The following HERC5 variants were observed in gnomAD, a reference collection of about 807,000 sequenced individuals.
HERC5 encodes HECT and RLD domain containing E3 ubiquitin protein ligase 5.
Under a neutral mutation model 119.6 loss-of-function variants are expected in HERC5, and 99 were observed. The observed-to-expected ratio is 0.83, with a 90% confidence interval of 0.70 to 0.98. HERC5 has a LOEUF of 0.98. Ranked by LOEUF, HERC5 falls within the 50% of genes least tolerant of loss-of-function variation. The pLI, the probability that HERC5 is intolerant of heterozygous loss-of-function variation, is 0.00. For synonymous variants in HERC5, 478 were observed against 445.9 expected (o/e 1.07, Z -0.91); for missense variants, 1,267 against 1,241.3 (o/e 1.02, Z -0.31).
intron 16 of HERC5, among the ~76,000 whole-genome samples, chr4:88,492,048 G>A (rs1449870093): frequency 6.6e-6 from 1 of 151,976 alleles, no homozygotes; most frequent in Non-Finnish European, 1.5e-5. Flanking sequence ...CTGTTGCCCA[G>A]GCTGGAGAGC....
chr4:88,463,525 T>G lies in HERC5; in HGVS notation c.689-7T>G. 6.2e-7 allele frequency: 1 copy of G among 1,603,878 alleles called. No homozygotes were observed. The highest frequency in any genetic ancestry group is 8.5e-7 in the Non-Finnish European group (1 of 1,171,502). ...TGGTCACTTCAGCTATTTTTTTCCTTACATAGGTAAAGATGATCCATCCCT... is the reference window on the plus strand; with the variant it reads ...TGGTCACTTCAGCTATTTTTTTCCTGACATAGGTAAAGATGATCCATCCCT... On this transcript the variant is annotated splice_polypyrimidine_tract_variant and splice_region_variant and intron_variant, in intron 4 of 22. Coordinates refer to ENST00000264350, the MANE Select transcript of HERC5 (RefSeq NM_016323.4).
intron 13 of HERC5, among the ~76,000 whole-genome samples, chr4:88,483,137 G>A (rs959547354): frequency 6.6e-6 from 1 of 152,068 alleles, no homozygotes; most frequent in African/African-American, 2.4e-5. Context: ...TGATTTTAAA[G>A]GAAATTTTTT....
rs1740912825 is a variant in HERC5, at chr4:88,472,636, CAG to C, written c.1392+136_1392+137del. On this transcript the variant is annotated intron_variant, in intron 11 of 22. Transcript: ENST00000264350. Reference sequence around the variant, plus strand: ...TAGCATATTCAGATTAAGTTAAACTCAGATAACATTTAGGAGTTTGCCCTTTT... The same window carrying C: ...TAGCATATTCAGATTAAGTTAAACTCATAACATTTAGGAGTTTGCCCTTTT... The C allele has an allele frequency of 1.3e-5, 9 of 675,982 alleles. No individual in the cohort carries two copies. In the Admixed American group the frequency reaches 2.5e-4, roughly 19 times the overall value. The allele number at this position is 675,982 out of a possible 1,614,324, so 41.9% of individuals were successfully genotyped here.
At position 88,462,242 on chromosome 4, in the gene HERC5, C is replaced by T; in HGVS notation, c.574C>T (p.Pro192Ser). Reference sequence around the variant, plus strand: ...GATTGTGGAGCACCTCGCAGGAGTACCCTTGGCTCAGATTTCTGCCGGAGA... The same window carrying T: ...GATTGTGGAGCACCTCGCAGGAGTATCCTTGGCTCAGATTTCTGCCGGAGA... ...PQIVEHLAGV[P>S]LAQISAGEAH... Residue 192 changes from proline (P) to serine (S), a missense_variant, in exon 4 of 23, where the codon CCC becomes TCC. Pro to Ser is a moderately conservative substitution (Grantham distance 74). This residue lies in a region of HERC5 where 777 missense variants were observed against 758.0 expected (regional missense o/e 1.03). Transcript: ENST00000264350. The T allele has an allele frequency of 6.2e-7, 1 of 1,614,180 alleles. No homozygotes were observed. The highest frequency in any genetic ancestry group is 8.5e-7 in the Non-Finnish European group (1 of 1,180,030).
intron 3 of HERC5, among the ~76,000 whole-genome samples, chr4:88,460,498 C>T (rs777555407): frequency 1.3e-5 from 2 of 152,184 alleles, no homozygotes; most frequent in African/African-American, 2.4e-5. Flanking sequence ...AAACTGCTTC[C>T]CTTTTCCTAA....
At chr4:88,460,217 G>A (rs1188807739) in intron 3 of HERC5, 46 bp downstream of exon 3, 3 of 927,972 alleles carry the variant, frequency 3.2e-6, no homozygotes, top group South Asian at 1.5e-5. Context: ...TAATACCTGT[G>A]TGTATATGTG....
chr4:88,500,983 CAAGT>C lies in HERC5; in HGVS notation c.2582_2582+3del. ...GTAGCATAACTGTCAACCAGACTAA[CAAGT>C]AGGTACAAAAAATGAAATAGTTGGT... On this transcript the variant is annotated splice_donor_variant and coding_sequence_variant, in exon 20 of 23. Transcript: ENST00000264350. LOFTEE classifies it high-confidence loss of function. 6.2e-7 allele frequency: 1 copy of C among 1,600,426 alleles called. No homozygotes were observed.
chr4:88,474,412 C>T (rs908745114), intron 11 of HERC5, among the ~76,000 whole-genome samples: 16 of 151,936 alleles, frequency 1.1e-4, no homozygotes, highest in Admixed American at 2.6e-4. Flanking sequence ...AGGACTGGCT[C>T]GAGGGTATCA....
intron 11 of HERC5, among the ~76,000 whole-genome samples, chr4:88,475,200 G>A (rs1286220300): frequency 7.3e-5 from 11 of 149,672 alleles, no homozygotes; most frequent in African/African-American, 2.7e-4. Flanking sequence ...AGAAACCCAC[G>A]GTGTGATAGT....
intron 1 of HERC5, 51 bp from the exon 2 acceptor site, chr4:88,459,296 A>C: frequency 1.4e-6 from 2 of 1,441,044 alleles, no homozygotes; most frequent in Non-Finnish European, 1.8e-6. Context: ...TTAGTAATAC[A>C]GTGGGTAATA....
chr4:88,479,408 T>G lies in HERC5; in HGVS notation c.1638T>G (p.Phe546Leu), dbSNP rs752848714. The G allele has an allele frequency of 6.8e-6, 11 of 1,613,314 alleles. No homozygotes were observed. The highest frequency in any genetic ancestry group is 9.3e-6 in the Non-Finnish European group (11 of 1,179,778). ...CTTTCAGCAAACTGGTCCAGATGTTTAAAACAGCCGTCATATGCCAGTTGG... is the reference window on the plus strand; with the variant it reads ...CTTTCAGCAAACTGGTCCAGATGTTGAAAACAGCCGTCATATGCCAGTTGG... ...ESTFSKLVQM[F>L]KTAVICQLDY... Residue 546 changes from phenylalanine (F) to leucine (L), a missense_variant, in exon 13 of 23, where the codon TTT (phenylalanine) becomes TTG (leucine). Transcript: ENST00000264350.
In HERC5 at chr4:88,463,993, G is replaced by A. The variant is rs958513034; in HGVS notation, c.911+8G>A. On this transcript the variant is annotated splice_region_variant and intron_variant, in intron 6 of 22. Coordinates refer to ENST00000264350, the MANE Select transcript of HERC5 (RefSeq NM_016323.4). ...TCAGATAGCATGTGGAAGGTAAGTT[G>A]TAAAGTATCAATAAGAATTGATAAA... 2 of 1,609,696 alleles carry A rather than the reference G, an allele frequency of 1.2e-6. No homozygotes were observed. The highest frequency in any genetic ancestry group is 2.7e-5 in the African/African-American group (2 of 74,662).
chr4:88,469,385 T>C, intron 9 of HERC5, 125 bp downstream of exon 9: 1 of 698,810 alleles, frequency 1.4e-6, no homozygotes, highest in Non-Finnish European at 2.6e-6. Flanking sequence ...TCATAGGATA[T>C]GTGTGTATTT....
intron 18 of HERC5, among the ~76,000 whole-genome samples, chr4:88,497,371 C>T (rs758757171): frequency 2.0e-5 from 3 of 152,038 alleles, no homozygotes; most frequent in Non-Finnish European, 2.9e-5. Context: ...TTAGTAGAAA[C>T]GTAGACAATA....
Position 88,504,604 on chromosome 4 carries a change from AT to A in HERC5, c.2869+9del. ...GAAAAGAAAAAATTCCTTGGTAAGT[AT>A]TATATCAAGGAATAGATCTGTAATC... is the stretch of plus-strand genomic sequence containing the variant. On this transcript the variant is annotated splice_region_variant and intron_variant, in intron 22 of 22. Transcript: ENST00000264350. 1 of 1,491,934 alleles carries A rather than the reference AT, an allele frequency of 6.7e-7. No homozygotes were observed. Among genetic ancestry groups the A allele is most frequent in the Non-Finnish European group, 9.0e-7 (1 of 1,105,800 alleles). 92.4% of individuals were successfully genotyped at this position (1,491,934 alleles called of 1,614,324 possible).
At chr4:88,503,525 T>A (rs1742007759) in intron 20 of HERC5, among the ~76,000 whole-genome samples, 1 of 152,216 alleles carries the variant, frequency 6.6e-6, no homozygotes, top group African/African-American at 2.4e-5. Flanking sequence ...AGTGTTTCTT[T>A]AAGTTTCGTT....
intron 11 of HERC5, among the ~76,000 whole-genome samples, chr4:88,474,468 G>A (rs1458539612): frequency 1.3e-5 from 2 of 152,212 alleles, no homozygotes; most frequent in Non-Finnish European, 2.9e-5. Flanking sequence ...TTGAGGTTGT[G>A]TCTGATGATG....
chr4:88,467,704 A>G (rs1305189287), intron 7 of HERC5: 2 of 154,530 alleles, frequency 1.3e-5, no homozygotes, highest in East Asian at 3.9e-4. Flanking sequence ...CTGGAGGATA[A>G]AGAGACTTGG....
chr4:88,459,229 G>A, intron 1 of HERC5, 118 bp from the exon 2 acceptor site: 2 of 816,470 alleles, frequency 2.4e-6, no homozygotes, highest in South Asian at 3.6e-5. Context: ...TTCATGGTAA[G>A]TCAAAGCTTG....
Sources: allele counts gnomAD v4.1 joint callset (sites outside exome capture counted in the v4.1 genomes callset), GRCh38; gene constraint gnomAD v4.1.1; regional missense constraint gnomAD v4.1.1; transcripts MANE v1.5; gene names NCBI Gene and HGNC (gene_info 2026-07-23, HGNC 2026-07-21).